Variants in RNF17 observed in about 807,000 individuals in gnomAD.
RNF17 encodes the protein ring finger protein 17, also known as spermatogenesis associated 23.
Under a neutral mutation model 200.5 loss-of-function variants are expected in RNF17, and 31 were observed. That is an observed-to-expected ratio of 0.15 (90% CI 0.12 to 0.21). RNF17 has a LOEUF of 0.21. Ranked by LOEUF, RNF17 falls within the 10% of genes least tolerant of loss-of-function variation. The probability of loss-of-function intolerance (pLI) is 1.00; values close to 1 mark genes in which losing one functional copy is unlikely to be tolerated. For missense variants in RNF17, 1,628 were observed against 1,905.1 expected (o/e 0.85, Z 2.71); for synonymous variants, 606 against 637.8 (o/e 0.95, Z 0.75).
At position 24,817,716 on chromosome 13, in the gene RNF17, C is replaced by A. The variant is rs76417666; in HGVS notation, c.2092-7903C>A. Among the ~76,000 whole-genome samples the A allele has an allele frequency of 3.0e-3, 411 of 137,554 alleles. 1 individual carries two copies. Among genetic ancestry groups the A allele is most frequent in the Non-Finnish European group, 4.2e-3 (269 of 63,464 alleles). 90.2% of individuals were successfully genotyped at this position (137,554 alleles called of 152,430 possible). A position where few individuals can be genotyped will look rare whatever the true frequency, so the allele number is the denominator to read the frequency against. On this transcript the variant is annotated intron_variant, in intron 15 of 35. Transcript: ENST00000255324. ...CCTGGGTGACAGCAAGACTTCATCT[C>A]AAAAAAAAAAAAAATTTTTTTTTTC... is the stretch of plus-strand genomic sequence containing the variant.
intron 13 of RNF17, among the ~76,000 whole-genome samples, chr13:24,802,102 C>T (rs1885312855): frequency 6.6e-6 from 1 of 152,122 alleles, no homozygotes; most frequent in Non-Finnish European, 1.5e-5. Flanking sequence ...TCCCCTGCCT[C>T]AGCCTCCCGA....
chr13:24,821,723 A>C lies in RNF17; in HGVS notation c.2092-3896A>C, dbSNP rs1888075205. 4.6e-5 allele frequency among the ~76,000 whole-genome samples: 7 copies of C among 152,044 alleles called. No homozygotes were observed. In the South Asian group the frequency reaches 1.5e-3, roughly 32 times the overall value. On this transcript the variant is annotated intron_variant, in intron 15 of 35. Transcript: ENST00000255324. ...TATCACTTGCTGATATTCCCATTTT[A>C]TTCATACATCATTTTCCGAATTTTC...
intron 15 of RNF17, among the ~76,000 whole-genome samples, chr13:24,805,768 G>T (rs973422706): frequency 1.3e-5 from 2 of 152,048 alleles, no homozygotes; most frequent in African/African-American, 4.8e-5. Flanking sequence ...ACTTTTTGGG[G>T]GAACTGCCGA....
chr13:24,842,616 G>C (rs1004128522), intron 19 of RNF17, among the ~76,000 whole-genome samples: 4 of 152,144 alleles, frequency 2.6e-5, no homozygotes, highest in Non-Finnish European at 5.9e-5. Flanking sequence ...ACTCACCCAG[G>C]ACAGGCTAGT....
At chr13:24,802,609 TATAGCTATA>T in intron 14 of RNF17, 38 bp downstream of exon 14, 1 of 1,526,560 alleles carries the variant, frequency 6.6e-7, no homozygotes, top group East Asian at 2.3e-5. Context: ...TCTTTGAGAT[TATAGCTATA>T]AATGAGAGTA....
rs919156853 is a variant in RNF17 at position 24,799,469 on chromosome 13, G to C, written c.1474G>C (p.Glu492Gln). ...RGTITELIPIEGRNTRKPCSP... is the reference protein window; with the variant it reads ...RGTITELIPIQGRNTRKPCSP... Reference sequence around the variant, plus strand: ...AACTATCACAGAATTAATTCCAATAGAGGGTAGAAATACCAGAAAACCTTG... The same window carrying C: ...AACTATCACAGAATTAATTCCAATACAGGGTAGAAATACCAGAAAACCTTG... Residue 492 changes from glutamate (E) to glutamine (Q), a missense_variant, in exon 12 of 36, where the codon GAG becomes CAG. Physicochemically the swap from Glu to Gln is conservative, Grantham distance 29. Transcript: ENST00000255324. 6.2e-7 allele frequency: 1 copy of C among 1,610,180 alleles called. No individual in the cohort carries two copies. The highest frequency in any genetic ancestry group is 2.2e-5 in the East Asian group (1 of 44,748).
At chr13:24,750,439 G>A in the RNF17 span, among the ~76,000 whole-genome samples, 4 of 152,278 alleles carry the variant, frequency 2.6e-5, no homozygotes, top group East Asian at 7.7e-4. Context: ...ACTCCAAGAA[G>A]ATGCCTCATG....
chr13:24,769,429 A>G (rs1417741229), intron 2 of RNF17, among the ~76,000 whole-genome samples: 2 of 152,048 alleles, frequency 1.3e-5, no homozygotes, highest in Non-Finnish European at 2.9e-5. Flanking sequence ...ACACCCACCT[A>G]CTGTTAGCCG....
At chr13:24,752,531 T>C in the RNF17 span, among the ~76,000 whole-genome samples, 1 of 152,306 alleles carries the variant, frequency 6.6e-6, no homozygotes, top group Non-Finnish European at 1.5e-5. Context: ...AAAAGCTTTA[T>C]CTCCTGCCCA....
chr13:24,771,528 G>C (rs1425453343), intron 2 of RNF17, among the ~76,000 whole-genome samples: 2 of 151,386 alleles, frequency 1.3e-5, no homozygotes, highest in Non-Finnish European at 2.9e-5. Context: ...ATTTCATCCT[G>C]TGTAACTGTT....
chr13:24,760,547 C>T (rs769920405), upstream of RNF17, among the ~76,000 whole-genome samples: 5 of 152,172 alleles, frequency 3.3e-5, no homozygotes, highest in Admixed American at 6.5e-5. Context: ...GAAAGCTCTA[C>T]GTCACTGGTC....
At chr13:24,812,624 C>T (rs542790226) in intron 15 of RNF17, among the ~76,000 whole-genome samples, 2 of 148,592 alleles carry the variant, frequency 1.3e-5, no homozygotes, top group African/African-American at 4.9e-5. Flanking sequence ...ACACTGGGAG[C>T]TGTAGACCGG....
intron 17 of RNF17, among the ~76,000 whole-genome samples, chr13:24,831,247 T>C (rs1235391514): frequency 6.6e-6 from 1 of 152,152 alleles, no homozygotes; most frequent in African/African-American, 2.4e-5. Flanking sequence ...GAGACCAGCC[T>C]GGCTAACATG....
chr13:24,781,955 T>A lies in RNF17; in HGVS notation c.611+11T>A. The A allele has an allele frequency of 6.6e-7, 1 of 1,508,276 alleles. No homozygotes were observed. Among genetic ancestry groups the A allele is most frequent in the Non-Finnish European group, 9.2e-7 (1 of 1,086,946 alleles). 93.4% of individuals were successfully genotyped at this position (1,508,276 alleles called of 1,614,324 possible). The stretch of plus-strand genomic sequence containing the variant: ...TTTTTTTGATTCCAGGTTAGTAACT[T>A]AAAAATATGGACTCAATGAAACTGA... On this transcript the variant is annotated intron_variant, in intron 6 of 35. Transcript: ENST00000255324.
chr13:24,756,921 G>T, the RNF17 span, among the ~76,000 whole-genome samples: 1 of 152,102 alleles, frequency 6.6e-6, no homozygotes, highest in Non-Finnish European at 1.5e-5. Context: ...CAAGGACTTG[G>T]AAGACACATT....
At chr13:24,827,732 C>T (rs774956110) in intron 16 of RNF17, among the ~76,000 whole-genome samples, 1 of 88,156 alleles carries the variant, frequency 1.1e-5, no homozygotes. Flanking sequence ...AAAAAAAAAA[C>T]AATAGAAATT....
rs1481677608 is a variant in RNF17, at chr13:24,874,171, C to T, written c.4505C>T (p.Ala1502Val). The change falls in exon 33 of 36, where the codon GCC becomes GTC. Residue 1502 changes from alanine to valine, a missense_variant. Physicochemically the swap from Ala to Val is moderately conservative, Grantham distance 64. Transcript: ENST00000255324. ...TTATGGTATAGAGCGAAGATTGTTGCCATTAAAGAATTTAATCCTTTATCT... is the reference window on the plus strand; with the variant it reads ...TTATGGTATAGAGCGAAGATTGTTGTCATTAAAGAATTTAATCCTTTATCT... Reference protein sequence around the residue: ...DGLWYRAKIVAIKEFNPLSIL... With the variant: ...DGLWYRAKIVVIKEFNPLSIL... 3.7e-6 allele frequency: 6 copies of T among 1,610,906 alleles called. 1 individual carries two copies. In the Middle Eastern group the frequency reaches 6.6e-4, roughly 177 times the overall value.
chr13:24,791,803 G>A (rs1451148880), intron 9 of RNF17, among the ~76,000 whole-genome samples: 1 of 152,176 alleles, frequency 6.6e-6, no homozygotes, highest in Non-Finnish European at 1.5e-5. Flanking sequence ...TAGTCAAAAT[G>A]CCAGTTTGTT....
In RNF17 at chr13:24,845,148, T is replaced by C; in HGVS notation, c.3101+69T>C. ...TAAATGCGTTCTCGTCAGTTTTAATTTTGCTAAGATATTCTGAAATTTTCC... is the reference window on the plus strand; with the variant it reads ...TAAATGCGTTCTCGTCAGTTTTAATCTTGCTAAGATATTCTGAAATTTTCC... On this transcript the variant is annotated intron_variant, in intron 22 of 35. Transcript: ENST00000255324. The C allele has an allele frequency of 3.6e-6, 3 of 832,766 alleles. No homozygotes were observed. In the South Asian group the frequency reaches 5.0e-5, roughly 14 times the overall value. 51.6% of individuals were successfully genotyped at this position (832,766 alleles called of 1,614,324 possible). A position where few individuals can be genotyped will look rare whatever the true frequency, so the allele number is the denominator to read the frequency against.
Sources: gnomAD v4.1 joint callset for allele counts (sites outside exome capture counted in the v4.1 genomes callset) on GRCh38, gnomAD v4.1.1 for gene constraint, MANE v1.5 for transcripts, NCBI Gene and HGNC (gene_info 2026-07-23, HGNC 2026-07-21) for gene names.